CTNNA1: variants seen among roughly 807,000 people sequenced by gnomAD.
CTNNA1 encodes the protein catenin alpha 1, also known as catenin alpha-1.
A neutral mutation model predicts 98.4 loss-of-function variants in CTNNA1; 37 were observed. That is an observed-to-expected ratio of 0.38 (90% CI 0.29 to 0.49). The LOEUF (loss-of-function observed/expected upper bound fraction) is 0.49, where lower values mean the gene tolerates loss of function less well. CTNNA1 is among the 20% of genes least tolerant of loss of function. CTNNA1 has a pLI of 0.95. For synonymous variants in CTNNA1, 404 were observed against 413.2 expected, an observed-to-expected ratio of 0.98 and a Z score of 0.27; for missense variants, 761 against 1,147.2, an observed-to-expected ratio of 0.66 and a Z score of 4.86.
chr5:138,926,926 C>G (rs924216232), intron 13 of CTNNA1, among the ~76,000 whole-genome samples: 2 of 152,204 alleles, frequency 1.3e-5, no homozygotes, highest in Non-Finnish European at 2.9e-5. Context: ...TCCACCCAGG[C>G]AGCACATGTT....
In CTNNA1 at chr5:138,901,510, G is replaced by A. The variant is rs1251084375; in HGVS notation, c.1297-2839G>A. Reference sequence around the variant, plus strand: ...TGCAGTCATGGCTTGCTGCAGCCTCGACCTTCTGGGCTCAAGCTATTCTCC... The same window carrying A: ...TGCAGTCATGGCTTGCTGCAGCCTCAACCTTCTGGGCTCAAGCTATTCTCC... On this transcript the variant is annotated intron_variant, in intron 9 of 17. Coordinates refer to ENST00000302763, the MANE Select transcript of CTNNA1 (RefSeq NM_001903.5). 3.3e-5 allele frequency among the ~76,000 whole-genome samples: 5 copies of A among 151,384 alleles called. No individual in the cohort carries two copies. In the South Asian group the frequency reaches 1.0e-3, roughly 32 times the overall value.
chr5:138,800,735 G>C (rs538747201), intron 3 of CTNNA1, among the ~76,000 whole-genome samples: 1 of 152,036 alleles, frequency 6.6e-6, no homozygotes, highest in African/African-American at 2.4e-5. Flanking sequence ...CCTGGGAGAC[G>C]GAGGTTGCAG....
intron 4 of CTNNA1, among the ~76,000 whole-genome samples, chr5:138,810,920 C>T (rs928818177): frequency 7.1e-6 from 1 of 140,682 alleles, no homozygotes; most frequent in Non-Finnish European, 1.6e-5. Context: ...GGGCAGGGGG[C>T]TGACCCCCCC....
At chr5:138,811,905 C>A in intron 4 of CTNNA1, 3 of 296,722 alleles carry the variant, frequency 1.0e-5, no homozygotes, top group South Asian at 1.0e-4. Flanking sequence ...AGAGGGAGAC[C>A]GTGGAAAGAG....
chr5:138,782,884 A>G (rs1755281475), intron 2 of CTNNA1, among the ~76,000 whole-genome samples: 1 of 152,230 alleles, frequency 6.6e-6, no homozygotes, highest in South Asian at 2.1e-4. Flanking sequence ...GAGACATCTA[A>G]CTTGTCTCTA....
chr5:138,791,924 C>T (rs913008609), intron 3 of CTNNA1, among the ~76,000 whole-genome samples: 2 of 150,848 alleles, frequency 1.3e-5, no homozygotes, highest in African/African-American at 2.4e-5. Flanking sequence ...CATATGTATA[C>T]GTGTACTATG....
At position 138,824,622 on chromosome 5, in the gene CTNNA1, A is replaced by G. The variant is rs758660340; in HGVS notation, c.681A>G (p.Ala227=). 1.2e-6 allele frequency: 2 copies of G among 1,614,246 alleles called. No individual in the cohort carries two copies. Among genetic ancestry groups the G allele is most frequent in the Non-Finnish European group, 1.7e-6 (2 of 1,180,040 alleles). The change falls in exon 6 of 18, where the codon GCA becomes GCG. Residue 227 remains alanine, a synonymous_variant. Coordinates refer to ENST00000302763, the MANE Select transcript of CTNNA1 (RefSeq NM_001903.5). ...NVPILYTASQ[A]CLQHPDVAAY... is the part of the protein sequence containing the mutation. ...CGATCCTCTATACTGCATCCCAGGC[A>G]TGCCTACAGCACCCTGATGTCGCAG...
rs1314440230 is a variant in CTNNA1 at position 138,934,652 on chromosome 5, ATT to A, written c.*564_*565del. The A allele has an allele frequency of 6.5e-6, 1 of 153,414 alleles. No homozygotes were observed. Among genetic ancestry groups the A allele is most frequent in the African/African-American group, 2.4e-5 (1 of 41,448 alleles). The allele number at this position is 153,414 out of a possible 1,614,324, so 9.5% of individuals were successfully genotyped here. On this transcript the variant is annotated 3_prime_UTR_variant, in exon 18 of 18. Transcript: ENST00000302763. ...TGACATGAAATGAAAATTTTAATGCATTGTTATAATTACTAATGTACGCTGCT... is the reference window on the plus strand; with the variant it reads ...TGACATGAAATGAAAATTTTAATGCAGTTATAATTACTAATGTACGCTGCT...
At chr5:138,864,162 T>C (rs1425863582) in intron 7 of CTNNA1, among the ~76,000 whole-genome samples, 2 of 152,220 alleles carry the variant, frequency 1.3e-5, no homozygotes, top group Non-Finnish European at 2.9e-5. Flanking sequence ...TTTGCCATAT[T>C]GGCCAGGCTG....
rs757481572 is a variant in CTNNA1, at chr5:138,824,674, T to C, written c.733T>C (p.Tyr245His). Reference protein sequence around the residue: ...AAYKANRDLIYKQLQQAVTGI... With the variant: ...AAYKANRDLIHKQLQQAVTGI... The stretch of plus-strand genomic sequence containing the variant: ...CTATAAGGCCAACAGGGACCTGATA[T>C]ACAAGCAGCTGCAGCAGGCGGTCAC... Residue 245 changes from tyrosine to histidine, a missense_variant, in exon 6 of 18, where the codon TAC (tyrosine) becomes CAC (histidine). By Grantham distance (83) the Tyr-to-His change is moderately conservative (BLOSUM62 2). Coordinates refer to ENST00000302763, the MANE Select transcript of CTNNA1 (RefSeq NM_001903.5). 43 of 1,614,066 alleles carry C rather than the reference T, an allele frequency of 2.7e-5. No homozygotes were observed. The East Asian group carries it at 3.1e-4, about 12-fold the overall frequency.
At chr5:138,882,168 T>C (rs1753049460) in intron 7 of CTNNA1, among the ~76,000 whole-genome samples, 1 of 152,186 alleles carries the variant, frequency 6.6e-6, no homozygotes, top group Non-Finnish European at 1.5e-5. Flanking sequence ...AAACATGAGA[T>C]GGTGTGGTAG....
intron 7 of CTNNA1, among the ~76,000 whole-genome samples, chr5:138,837,553 C>T (rs866426436): frequency 7.4e-6 from 1 of 135,444 alleles, no homozygotes; most frequent in Non-Finnish European, 1.6e-5. Context: ...CCCCACTCCT[C>T]CGTCTTCTCT....
chr5:138,908,330 C>T (rs1759748110), intron 10 of CTNNA1, among the ~76,000 whole-genome samples: 1 of 152,160 alleles, frequency 6.6e-6, no homozygotes, highest in South Asian at 2.1e-4. Context: ...TTCTACAGTA[C>T]TCACTTTTTA....
chr5:138,789,229 A>C (rs1756075541), intron 3 of CTNNA1, among the ~76,000 whole-genome samples: 1 of 152,002 alleles, frequency 6.6e-6, no homozygotes, highest in African/African-American at 2.4e-5. Context: ...AATACGAAAA[A>C]TAATTAATAG....
intron 5 of CTNNA1, among the ~76,000 whole-genome samples, chr5:138,815,760 G>T (rs1759368798): frequency 6.6e-6 from 1 of 151,946 alleles, no homozygotes; most frequent in Non-Finnish European, 1.5e-5. Flanking sequence ...TGAGTCATTT[G>T]TAGTTTTCCT....
chr5:138,799,746 A>G (rs920713634), intron 3 of CTNNA1, among the ~76,000 whole-genome samples: 23 of 151,990 alleles, frequency 1.5e-4, no homozygotes, highest in African/African-American at 5.6e-4. Context: ...ATTTTAACCC[A>G]TTATACAGTG....
intron 7 of CTNNA1, among the ~76,000 whole-genome samples, chr5:138,849,550 T>C (rs1351507937): frequency 6.6e-6 from 1 of 152,246 alleles, no homozygotes; most frequent in Admixed American, 6.5e-5. Flanking sequence ...GAGAAAAATC[T>C]TATTAGGAAA....
intron 3 of CTNNA1, among the ~76,000 whole-genome samples, chr5:138,802,346 T>C (rs964042607): frequency 6.6e-6 from 1 of 152,182 alleles, no homozygotes; most frequent in Admixed American, 6.5e-5. Context: ...TTTTAATTTT[T>C]ATTTTGTAGA....
chr5:138,761,644 C>T (rs1040638651), intron 1 of CTNNA1, among the ~76,000 whole-genome samples: 1 of 152,088 alleles, frequency 6.6e-6, no homozygotes, highest in African/African-American at 2.4e-5. Flanking sequence ...TGAGTTTGGC[C>T]TTCTATATGG....
Sources: allele counts gnomAD v4.1 joint callset (sites outside exome capture counted in the v4.1 genomes callset), GRCh38; gene constraint gnomAD v4.1.1; transcripts MANE v1.5; gene names NCBI Gene and HGNC (gene_info 2026-07-23, HGNC 2026-07-21).